Variants in ZBBX observed in about 807,000 individuals in gnomAD.
ZBBX encodes zinc finger B-box domain-containing protein 1.
Under a neutral mutation model 108.5 loss-of-function variants are expected in ZBBX, and 101 were observed. The observed-to-expected ratio is 0.93, with a 90% CI of 0.79 to 1.10. The LOEUF (loss-of-function observed/expected upper bound fraction) is 1.10, where lower values mean the gene tolerates loss of function less well. ZBBX is among the 50% of genes least tolerant of loss of function. The probability of loss-of-function intolerance (pLI) is 0.00; values close to 1 mark genes in which losing one functional copy is unlikely to be tolerated. For missense variants in ZBBX, 1,009 were observed against 941.4 expected (o/e 1.07, Z -0.94); for synonymous variants, 356 against 323.4 (o/e 1.10, Z -1.08).
chr3:167,341,455 T>G (rs1203057700), intron 9 of ZBBX, among the ~76,000 whole-genome samples: 1 of 151,834 alleles, frequency 6.6e-6, no homozygotes, highest in Non-Finnish European at 1.5e-5. Context: ...GCTGAAAAAG[T>G]AACATATTGT....
chr3:167,237,028 T>C (rs1298197211), downstream of ZBBX, among the ~76,000 whole-genome samples: 1 of 151,862 alleles, frequency 6.6e-6, no homozygotes, highest in Non-Finnish European at 1.5e-5. Flanking sequence ...TTGCTCAAGA[T>C]CTTTTCAAAA....
intron 20 of ZBBX, among the ~76,000 whole-genome samples, chr3:167,247,474 A>G (rs879457997): frequency 2.0e-5 from 3 of 152,160 alleles, no homozygotes; most frequent in Non-Finnish European, 4.4e-5. Flanking sequence ...ACCACGTGTG[A>G]TCCAATTCTT....
intron 1 of ZBBX, among the ~76,000 whole-genome samples, chr3:167,388,914 AT>A (rs1748003248): frequency 6.6e-6 from 1 of 151,862 alleles, no homozygotes; most frequent in African/African-American, 2.4e-5. Flanking sequence ...AAGCTTCAAC[AT>A]TTTCTAATGA....
chr3:167,307,097 T>G (rs879403455), intron 16 of ZBBX, among the ~76,000 whole-genome samples: 4 of 152,156 alleles, frequency 2.6e-5, no homozygotes, highest in Non-Finnish European at 4.4e-5. Context: ...TGTTAAAATC[T>G]CTCAATAAAC....
At chr3:167,387,019 C>T (rs1472078348) in intron 1 of ZBBX, among the ~76,000 whole-genome samples, 1 of 151,942 alleles carries the variant, frequency 6.6e-6, no homozygotes, top group Non-Finnish European at 1.5e-5. Context: ...AAAGTTACTG[C>T]CACAATATTT....
At chr3:167,243,191 T>G (rs1720975630) in intron 20 of ZBBX, among the ~76,000 whole-genome samples, 1 of 152,212 alleles carries the variant, frequency 6.6e-6, no homozygotes, top group African/African-American at 2.4e-5. Context: ...TAAGGACAAA[T>G]ACTGCAAGTT....
At chr3:167,276,270 G>T (rs1448534778) in intron 20 of ZBBX, among the ~76,000 whole-genome samples, 5 of 152,190 alleles carry the variant, frequency 3.3e-5, no homozygotes, top group Non-Finnish European at 7.3e-5. Flanking sequence ...AGAGAAGAAG[G>T]CTTCAGACAA....
intron 20 of ZBBX, among the ~76,000 whole-genome samples, chr3:167,266,375 C>T (rs573879910): frequency 6.6e-6 from 1 of 152,272 alleles, no homozygotes; most frequent in East Asian, 1.9e-4. Flanking sequence ...CCTTTGTTCT[C>T]CAACTTAACT....
the ZBBX span, among the ~76,000 whole-genome samples, chr3:167,213,963 T>C: frequency 6.6e-6 from 1 of 152,088 alleles, no homozygotes; most frequent in Non-Finnish European, 1.5e-5. Flanking sequence ...AGAAATAAGA[T>C]CCTTTTCAGA....
the ZBBX span, among the ~76,000 whole-genome samples, chr3:167,213,838 C>A: frequency 6.6e-6 from 1 of 152,180 alleles, no homozygotes; most frequent in Non-Finnish European, 1.5e-5. Context: ...GACCTCTCAG[C>A]TGAAACCTTA....
intron 9 of ZBBX, among the ~76,000 whole-genome samples, chr3:167,341,173 G>T (rs905844838): frequency 2.6e-5 from 4 of 151,776 alleles, no homozygotes; most frequent in African/African-American, 9.7e-5. Context: ...ATTAATTAAA[G>T]ATTTATGTAT....
chr3:167,258,655 T>C (rs1305772066), intron 20 of ZBBX, among the ~76,000 whole-genome samples: 1 of 152,110 alleles, frequency 6.6e-6, no homozygotes, highest in East Asian at 1.9e-4. Flanking sequence ...CCTTGTTTGC[T>C]GATTTTGCCG....
chr3:167,220,155 T>C, the ZBBX span, among the ~76,000 whole-genome samples: 1 of 151,880 alleles, frequency 6.6e-6, no homozygotes, highest in Non-Finnish European at 1.5e-5. Flanking sequence ...TTACCAAACA[T>C]TTAAATAAGA....
chr3:167,334,560 C>T (rs930650034), intron 9 of ZBBX, among the ~76,000 whole-genome samples: 1 of 151,966 alleles, frequency 6.6e-6, no homozygotes, highest in Non-Finnish European at 1.5e-5. Context: ...GGCGACAGAG[C>T]AACACTCCAT....
At chr3:167,222,657 T>C in the ZBBX span, among the ~76,000 whole-genome samples, 35 of 152,104 alleles carry the variant, frequency 2.3e-4, no homozygotes, top group Non-Finnish European at 4.4e-4. Context: ...TGTATGCCTG[T>C]ATCAAAATAT....
intron 9 of ZBBX, among the ~76,000 whole-genome samples, chr3:167,350,070 C>A (rs893626145): frequency 1.3e-5 from 2 of 151,686 alleles, no homozygotes; most frequent in Non-Finnish European, 2.9e-5. Context: ...AGATTTATAC[C>A]TAAAAACTAT....
chr3:167,354,894 G>A (rs1238709660), intron 8 of ZBBX, among the ~76,000 whole-genome samples: 2 of 151,934 alleles, frequency 1.3e-5, no homozygotes, highest in African/African-American at 2.4e-5. Context: ...GACTTGCAGA[G>A]TAAGCTTATA....
chr3:167,310,622 T>A (rs1734422114), intron 16 of ZBBX, among the ~76,000 whole-genome samples: 1 of 152,048 alleles, frequency 6.6e-6, no homozygotes, highest in Non-Finnish European at 1.5e-5. Context: ...TTTTAAATCA[T>A]CAGAGCTCAC....
chr3:167,296,579 A>G (rs1043418689), intron 18 of ZBBX, among the ~76,000 whole-genome samples: 2 of 152,064 alleles, frequency 1.3e-5, no homozygotes, highest in Non-Finnish European at 2.9e-5. Flanking sequence ...TCTATATGCT[A>G]ACAATGAACA....
Sources: allele counts gnomAD v4.1 joint callset (sites outside exome capture counted in the v4.1 genomes callset), GRCh38; gene constraint gnomAD v4.1.1; transcripts MANE v1.5; gene names NCBI Gene and HGNC (gene_info 2026-07-23, HGNC 2026-07-21).